SAMD3: variants seen among roughly 807,000 people sequenced by gnomAD.
The protein encoded by SAMD3 is sterile alpha motif domain-containing protein 3.
Under a neutral mutation model 58.5 loss-of-function variants are expected in SAMD3, and 63 were observed. That is an observed-to-expected ratio of 1.08 (90% confidence interval 0.88 to 1.33). The LOEUF (loss-of-function observed/expected upper bound fraction) is 1.33, where lower values mean the gene tolerates loss of function less well. Ranked by LOEUF, SAMD3 falls within the 40% of genes most tolerant of loss-of-function variation. The pLI is 0.00. For synonymous variants in SAMD3, 220 were observed against 210.3 expected, an observed-to-expected ratio of 1.05 and a Z score of -0.40; for missense variants, 604 against 608.4, an observed-to-expected ratio of 0.99 and a Z score of 0.08.
intron 5 of SAMD3, among the ~76,000 whole-genome samples, chr6:130,203,900 AC>A (rs1398097267): frequency 6.6e-6 from 1 of 152,210 alleles, no homozygotes; most frequent in Non-Finnish European, 1.5e-5. Context: ...TGCACACACA[AC>A]TGTATGGCCC....
chr6:130,199,182 C>T (rs1794415949), intron 5 of SAMD3, among the ~76,000 whole-genome samples: 1 of 152,164 alleles, frequency 6.6e-6, no homozygotes, highest in Non-Finnish European at 1.5e-5. Flanking sequence ...ATTAGTACTC[C>T]CACCATTGGG....
chr6:130,176,486 G>A (rs1039161018), intron 7 of SAMD3, among the ~76,000 whole-genome samples: 4 of 152,192 alleles, frequency 2.6e-5, no homozygotes, highest in Non-Finnish European at 4.4e-5. Flanking sequence ...CACTCCCTAA[G>A]TGTGTGTGGT....
At chr6:130,194,065 C>T (rs1459124025) in intron 5 of SAMD3, among the ~76,000 whole-genome samples, 1 of 152,144 alleles carries the variant, frequency 6.6e-6, no homozygotes, top group African/African-American at 2.4e-5. Context: ...CGCTCCTCCA[C>T]TCTATAATCT....
intron 2 of SAMD3, among the ~76,000 whole-genome samples, chr6:130,241,505 C>T (rs954506530): frequency 1.3e-5 from 2 of 152,124 alleles, no homozygotes; most frequent in African/African-American, 4.8e-5. Context: ...TGAGCCACTG[C>T]ACCCGGCCTT....
intron 1 of SAMD3, among the ~76,000 whole-genome samples, chr6:130,327,587 A>G (rs1361487388): frequency 1.3e-5 from 2 of 152,208 alleles, no homozygotes; most frequent in Non-Finnish European, 2.9e-5. Context: ...AGGTATCAAA[A>G]TTAAAACTGA....
intron 9 of SAMD3, among the ~76,000 whole-genome samples, chr6:130,147,767 A>G (rs1393573166): frequency 6.6e-6 from 1 of 152,170 alleles, no homozygotes; most frequent in African/African-American, 2.4e-5. Context: ...ATCCCATATG[A>G]GATTTAGATA....
intron 1 of SAMD3, among the ~76,000 whole-genome samples, chr6:130,350,795 T>C (rs1012061550): frequency 2.0e-5 from 3 of 152,180 alleles, no homozygotes; most frequent in African/African-American, 7.2e-5. Flanking sequence ...TAGGCAAAGC[T>C]GGAGGCATCA....
chr6:130,333,863 T>C (rs1304559839), intron 1 of SAMD3, among the ~76,000 whole-genome samples: 1 of 152,172 alleles, frequency 6.6e-6, no homozygotes, highest in Non-Finnish European at 1.5e-5. Context: ...GGCCCAGGAA[T>C]CTTTTCTAAG....
upstream of SAMD3, among the ~76,000 whole-genome samples, chr6:130,226,082 T>A (rs1269275000): frequency 6.6e-6 from 1 of 152,196 alleles, no homozygotes; most frequent in African/African-American, 2.4e-5. Flanking sequence ...ACAGCGCCGC[T>A]TTTCCCAGGA....
At chr6:130,246,444 C>A (rs1456426942) in intron 2 of SAMD3, among the ~76,000 whole-genome samples, 3 of 151,302 alleles carry the variant, frequency 2.0e-5, no homozygotes, top group Admixed American at 6.6e-5. Context: ...GTGGGTACAC[C>A]CTAAAGACCA....
chr6:130,341,455 C>T (rs960986859), intron 1 of SAMD3, among the ~76,000 whole-genome samples: 1 of 152,172 alleles, frequency 6.6e-6, no homozygotes, highest in Non-Finnish European at 1.5e-5. Flanking sequence ...TAAAATCATA[C>T]TTAACTTGCC....
At chr6:130,236,827 TTTG>T (rs1451722688) in intron 2 of SAMD3, among the ~76,000 whole-genome samples, 4 of 152,256 alleles carry the variant, frequency 2.6e-5, no homozygotes, top group Non-Finnish European at 5.9e-5. Context: ...TTTAACTTTT[TTTG>T]TTATGTTTTA....
intron 2 of SAMD3, among the ~76,000 whole-genome samples, chr6:130,238,386 T>G (rs1773238851): frequency 6.6e-6 from 1 of 152,136 alleles, no homozygotes; most frequent in Non-Finnish European, 1.5e-5. Flanking sequence ...ATAAAGATAT[T>G]TGGAAATCAA....
rs1321473622 is a variant in SAMD3, at chr6:130,313,477, TTCTC to T, written c.-303-388_-303-385del. Reference sequence around the variant, plus strand: ...TGATAACCACTGACTCCTTAAGGAATTCTCTCTCCTGCCCGGAAAATAAAAGTGC... The same window carrying T: ...TGATAACCACTGACTCCTTAAGGAATTCTCCTGCCCGGAAAATAAAAGTGC... On this transcript the variant is annotated intron_variant, in intron 1 of 13. Transcript: ENST00000368134. Among the ~76,000 whole-genome samples, 6 of 152,170 alleles carry T rather than the reference TTCTC, an allele frequency of 3.9e-5. 1 individual carries two copies. Among genetic ancestry groups the T allele is most frequent in the Admixed American group, 3.9e-4 (6 of 15,280 alleles).
At chr6:130,167,974 T>C (rs1790873619) in intron 8 of SAMD3, among the ~76,000 whole-genome samples, 1 of 152,214 alleles carries the variant, frequency 6.6e-6, no homozygotes, top group African/African-American at 2.4e-5. Flanking sequence ...GCATTGCAGA[T>C]GCTTCAAGTT....
chr6:130,180,207 A>T lies in SAMD3; in HGVS notation c.654+3896T>A, dbSNP rs139118006. On this transcript the variant is annotated intron_variant, in intron 7 of 11. Coordinates refer to ENST00000439090, the MANE Select transcript of SAMD3 (RefSeq NM_001017373.4). Reference sequence around the variant, plus strand: ...GCAATCATAGCTCACTGCTGTCTCAACCTCCTGGGCTCTAGTGGTCCTCCC... The same window carrying T: ...GCAATCATAGCTCACTGCTGTCTCATCCTCCTGGGCTCTAGTGGTCCTCCC... Among the ~76,000 whole-genome samples the T allele has an allele frequency of 2.4e-3, 366 of 149,688 alleles. 3 individuals carry two copies. Among genetic ancestry groups the T allele is most frequent in the Middle Eastern group, 0.017 (5 of 286 alleles).
intron 5 of SAMD3, among the ~76,000 whole-genome samples, chr6:130,202,921 C>G (rs772851501): frequency 6.6e-6 from 1 of 152,154 alleles, no homozygotes. Context: ...CCTCCTCCCC[C>G]GCAGTGGTGA....
intron 2 of SAMD3, among the ~76,000 whole-genome samples, chr6:130,253,025 CA>C (rs1434006515): frequency 5.3e-5 from 8 of 152,166 alleles, no homozygotes; most frequent in African/African-American, 1.9e-4. Flanking sequence ...CCATCTGGGT[CA>C]GGTTTTTTCC....
At chr6:130,181,098 C>G (rs1792287172) in intron 7 of SAMD3, among the ~76,000 whole-genome samples, 1 of 151,812 alleles carries the variant, frequency 6.6e-6, no homozygotes, top group Admixed American at 6.6e-5. Flanking sequence ...AGGTGCCCAC[C>G]ACCATGCCCG....
Sources: gnomAD v4.1 joint callset for allele counts (sites outside exome capture counted in the v4.1 genomes callset) on GRCh38, gnomAD v4.1.1 for gene constraint, MANE v1.5 for transcripts, NCBI Gene and HGNC (gene_info 2026-07-23, HGNC 2026-07-21) for gene names.